CDKN2AIPNL: variants seen among roughly 807,000 people sequenced by gnomAD.
CDKN2AIPNL encodes the protein CDKN2AIP N-terminal-like protein.
CDKN2AIPNL carries 9 observed loss-of-function variants against 12.9 expected under a neutral mutation model. The ratio of observed to expected loss-of-function variants is 0.70; its 90% CI spans 0.42 to 1.22. CDKN2AIPNL has a LOEUF of 1.22. Among genes scored for constraint, CDKN2AIPNL ranks in the 50% most tolerant of loss-of-function variants. CDKN2AIPNL has a pLI of 0.00. For missense variants in CDKN2AIPNL, 143 were observed against 153.6 expected (o/e 0.93, Z 0.37); for synonymous variants, 53 against 61.7 (o/e 0.86, Z 0.66).
chr5:134,406,809 G>A (rs1759111252), intron 2 of CDKN2AIPNL, among the ~76,000 whole-genome samples: 1 of 152,238 alleles, frequency 6.6e-6, no homozygotes, highest in South Asian at 2.1e-4. Flanking sequence ...GGTCAAGGCT[G>A]CGGGTAGCCG....
At chr5:134,410,966 T>G in intron 1 of CDKN2AIPNL, 2 of 700,038 alleles carry the variant, frequency 2.9e-6, no homozygotes, top group Non-Finnish European at 5.2e-6. Flanking sequence ...GCCTTTGTCC[T>G]TTTGGTGCTG....
intron 1 of CDKN2AIPNL, among the ~76,000 whole-genome samples, chr5:134,410,287 C>T (rs1480706594): frequency 6.6e-6 from 1 of 152,150 alleles, no homozygotes; most frequent in East Asian, 1.9e-4. Flanking sequence ...AGGCGTGTGC[C>T]ACCACGCCTG....
At position 134,411,698 on chromosome 5, in the gene CDKN2AIPNL, C is replaced by A. The variant is rs1489090554; in HGVS notation, c.157G>T (p.Asp53Tyr). ...FILRHLPDYR[D>Y]PPDGSGRLDQ... is the part of the protein sequence containing the mutation. ...AGGCGGCCACTGCCGTCGGGCGGGT[C>A]GCGGTAGTCGGGCAGGTGGCGCAGG... Residue 53 changes from aspartate (D) to tyrosine (Y), a missense_variant, in exon 1 of 3, where the codon GAC becomes TAC. By Grantham distance (160) the Asp-to-Tyr change is radical. This residue lies in a region of CDKN2AIPNL where 111 missense variants were observed against 111.4 expected (regional missense o/e 1.00). Coordinates refer to ENST00000458198, the MANE Select transcript of CDKN2AIPNL (RefSeq NM_080656.3). 6.2e-7 allele frequency: 1 copy of A among 1,613,194 alleles called. No homozygotes were observed. Among genetic ancestry groups the A allele is most frequent in the Non-Finnish European group, 8.5e-7 (1 of 1,179,832 alleles).
intron 2 of CDKN2AIPNL, among the ~76,000 whole-genome samples, chr5:134,404,198 CTG>C (rs1442110366): frequency 1.1e-4 from 17 of 152,206 alleles, no homozygotes; most frequent in Admixed American, 2.0e-4. Flanking sequence ...TAAGACTGGT[CTG>C]TGGGATCAGA....
At chr5:134,404,422 C>G (rs1413290572) in intron 2 of CDKN2AIPNL, among the ~76,000 whole-genome samples, 1 of 152,204 alleles carries the variant, frequency 6.6e-6, no homozygotes, top group Non-Finnish European at 1.5e-5. Flanking sequence ...CTCCCAGGCT[C>G]AAGTGATCCT....
At chr5:134,407,019 C>A (rs141970913) in intron 2 of CDKN2AIPNL, among the ~76,000 whole-genome samples, 1 of 152,316 alleles carries the variant, frequency 6.6e-6, no homozygotes, top group East Asian at 1.9e-4. Flanking sequence ...TTGCAACACA[C>A]AATTCAAAAA....
intron 2 of CDKN2AIPNL, among the ~76,000 whole-genome samples, chr5:134,405,140 G>T (rs1445814388): frequency 1.4e-5 from 2 of 140,334 alleles, no homozygotes; most frequent in African/African-American, 5.3e-5. Flanking sequence ...GAGTCCCGCT[G>T]TTTAGCCCAG....
intron 2 of CDKN2AIPNL, 24 bp from the exon 3 acceptor site, chr5:134,402,950 G>T (rs754690227): frequency 2.1e-5 from 33 of 1,598,126 alleles, no homozygotes; most frequent in Non-Finnish European, 2.6e-5. Context: ...AAAAGAAAAG[G>T]TTACATAACC....
chr5:134,406,989 T>G (rs1186478465), intron 2 of CDKN2AIPNL, among the ~76,000 whole-genome samples: 1 of 152,182 alleles, frequency 6.6e-6, no homozygotes, highest in African/African-American at 2.4e-5. Flanking sequence ...TAGAAAAACA[T>G]AAGTTTTATT....
intron 2 of CDKN2AIPNL, among the ~76,000 whole-genome samples, chr5:134,409,662 A>G (rs761458445): frequency 6.6e-6 from 1 of 152,212 alleles, no homozygotes; most frequent in Admixed American, 6.5e-5. Flanking sequence ...CAATGTTCCT[A>G]AACAACCGGA....
chr5:134,411,080 G>C (rs1286333208), intron 1 of CDKN2AIPNL: 1 of 702,560 alleles, frequency 1.4e-6, no homozygotes, highest in African/African-American at 1.7e-5. Context: ...AGGACCCCGT[G>C]GGCTGTGGAG....
At position 134,411,689 on chromosome 5, in the gene CDKN2AIPNL, C is replaced by A. The variant is rs1239459829; in HGVS notation, c.166G>T (p.Asp56Tyr). The A allele has an allele frequency of 6.2e-7, 1 of 1,613,034 alleles. No homozygotes were observed. The highest frequency in any genetic ancestry group is 2.2e-5 in the East Asian group (1 of 44,844). Reference protein sequence around the residue: ...RHLPDYRDPPDGSGRLDQLLS... With the variant: ...RHLPDYRDPPYGSGRLDQLLS... ...AGCTGGTCCAGGCGGCCACTGCCGT[C>A]GGGCGGGTCGCGGTAGTCGGGCAGG... Residue 56 changes from aspartate to tyrosine, a missense_variant, in exon 1 of 3, where the codon GAC becomes TAC. Transcript: ENST00000458198.
At chr5:134,409,052 G>A (rs1205550419) in intron 2 of CDKN2AIPNL, among the ~76,000 whole-genome samples, 1 of 152,100 alleles carries the variant, frequency 6.6e-6, no homozygotes, top group Non-Finnish European at 1.5e-5. Flanking sequence ...ACCTAAAAAG[G>A]GGCCAGCAGC....
At position 134,409,942 on chromosome 5, in the gene CDKN2AIPNL, G is replaced by C. The variant is rs912013566; in HGVS notation, c.300C>G (p.Asp100Glu). 1 of 1,612,184 alleles carries C rather than the reference G, an allele frequency of 6.2e-7. No homozygotes were observed. Reference sequence around the variant, plus strand: ...CACTTCTGGTAGTAAATTGTGGCAGGTCTTCCACTTCAATCCCATCGGCCA... The same window carrying C: ...CACTTCTGGTAGTAAATTGTGGCAGCTCTTCCACTTCAATCCCATCGGCCA... ...MEMADGIEVE[D>E]LPQFTTRSEL... is the part of the protein sequence containing the mutation. Residue 100 changes from aspartate to glutamate, a missense_variant, in exon 2 of 3, where the codon GAC becomes GAG. Transcript: ENST00000458198.
chr5:134,406,084 A>G (rs1759100495), intron 2 of CDKN2AIPNL, among the ~76,000 whole-genome samples: 2 of 152,226 alleles, frequency 1.3e-5, no homozygotes, highest in South Asian at 4.1e-4. Flanking sequence ...GCAACTGTCC[A>G]ACAAATTCCA....
At chr5:134,404,579 C>G (rs10071888) in intron 2 of CDKN2AIPNL, among the ~76,000 whole-genome samples, 24 of 151,532 alleles carry the variant, frequency 1.6e-4, no homozygotes, top group Non-Finnish European at 3.5e-4. Flanking sequence ...TCTCCCACCT[C>G]GGCTTCCCAA....
Position 134,411,682 on chromosome 5 carries a change from C to T in CDKN2AIPNL, c.173G>A (p.Ser58Asn), listed in dbSNP as rs772499518. 1 of 1,613,222 alleles carries T rather than the reference C, an allele frequency of 6.2e-7. No individual in the cohort carries two copies. Among genetic ancestry groups the T allele is most frequent in the South Asian group, 1.1e-5 (1 of 90,918 alleles). ...LPDYRDPPDGSGRLDQLLSLS... is the reference protein window; with the variant it reads ...LPDYRDPPDGNGRLDQLLSLS... ...GGAGAGCAGCTGGTCCAGGCGGCCA[C>T]TGCCGTCGGGCGGGTCGCGGTAGTC... Residue 58 changes from serine to asparagine, a missense_variant, in exon 1 of 3, where the codon AGT (serine) becomes AAT (asparagine). Around this residue, in one of 3 missense-constraint regions of CDKN2AIPNL, gnomAD observed 111 missense variants for 111.4 expected, o/e 1.00. Transcript: ENST00000458198.
rs5871539 is a variant in CDKN2AIPNL, at chr5:134,407,256, AACACACACACAC to A, written c.339+2635_339+2646del. ...AGGATGTTTCAGAAAGACCCTTCCT[AACACACACACAC>A]ACACACACACACACACACACACACA... On this transcript the variant is annotated intron_variant, in intron 2 of 2. Transcript: ENST00000458198. Among the ~76,000 whole-genome samples, 316 of 139,710 alleles carry A rather than the reference AACACACACACAC, an allele frequency of 2.3e-3. 3 individuals carry two copies. The highest frequency in any genetic ancestry group is 8.2e-3 in the African/African-American group (303 of 36,928). The allele number at this position is 139,710 out of a possible 152,430, so 91.7% of individuals were successfully genotyped here.
chr5:134,408,289 T>C (rs1759136157), intron 2 of CDKN2AIPNL, among the ~76,000 whole-genome samples: 1 of 152,018 alleles, frequency 6.6e-6, no homozygotes, highest in African/African-American at 2.4e-5. Flanking sequence ...GCCCAGTATT[T>C]TTTTAAGTAT....
Sources: allele counts gnomAD v4.1 joint callset (sites outside exome capture counted in the v4.1 genomes callset), GRCh38; gene constraint gnomAD v4.1.1; regional missense constraint gnomAD v4.1.1; transcripts MANE v1.5; gene names NCBI Gene and HGNC (gene_info 2026-07-23, HGNC 2026-07-21).